Variants in HS6ST3 observed in about 807,000 individuals in gnomAD.
HS6ST3 encodes the protein heparan sulfate 6-O-sulfotransferase 3, also known as heparan-sulfate 6-O-sulfotransferase 3.
Under a neutral mutation model 36.7 loss-of-function variants are expected in HS6ST3, and 12 were observed. The observed-to-expected ratio is 0.33, with a 90% CI of 0.21 to 0.53. The LOEUF is 0.53. Ranked by LOEUF, HS6ST3 falls within the 20% of genes least tolerant of loss-of-function variation. The pLI is 0.95. For missense variants in HS6ST3, 584 were observed against 640.9 expected (o/e 0.91, Z 0.96); for synonymous variants, 240 against 257.5 (o/e 0.93, Z 0.65).
intron 1 of HS6ST3, among the ~76,000 whole-genome samples, chr13:96,460,761 A>G (rs1348557820): frequency 6.6e-6 from 1 of 152,228 alleles, no homozygotes; most frequent in Non-Finnish European, 1.5e-5. Context: ...ATTTGTAAGC[A>G]GTTTCCAGTT....
At chr13:96,498,204 G>C (rs1341066961) in intron 1 of HS6ST3, among the ~76,000 whole-genome samples, 1 of 152,154 alleles carries the variant, frequency 6.6e-6, no homozygotes, top group Non-Finnish European at 1.5e-5. Context: ...TTCATTTAAT[G>C]GTAACCCAGG....
At chr13:96,281,351 A>T (rs1457083800) in intron 1 of HS6ST3, among the ~76,000 whole-genome samples, 1 of 152,184 alleles carries the variant, frequency 6.6e-6, no homozygotes, top group East Asian at 1.9e-4. Context: ...AGCTCTGTAA[A>T]GAAAATCAGC....
At chr13:96,459,427 T>TA (rs144073861) in intron 1 of HS6ST3, among the ~76,000 whole-genome samples, 6,830 of 150,986 alleles carry the variant, frequency 0.045, 369 homozygotes, top group African/African-American at 0.12. Context: ...TTGGAAAAGT[T>TA]AAAAAAAAAC....
intron 1 of HS6ST3, among the ~76,000 whole-genome samples, chr13:96,229,337 G>C (rs993721768): frequency 1.5e-4 from 23 of 152,066 alleles, no homozygotes; most frequent in Non-Finnish European, 1.9e-4. Context: ...CATTAGTCAG[G>C]TCAGGCTGCT....
chr13:96,498,806 G>T (rs1039871114), intron 1 of HS6ST3, among the ~76,000 whole-genome samples: 2 of 152,070 alleles, frequency 1.3e-5, no homozygotes, highest in Non-Finnish European at 2.9e-5. Context: ...GTTCTTATTT[G>T]GTTTGTTTGG....
chr13:96,324,266 G>A (rs1356224190), intron 1 of HS6ST3, among the ~76,000 whole-genome samples: 1 of 152,122 alleles, frequency 6.6e-6, no homozygotes, highest in Non-Finnish European at 1.5e-5. Flanking sequence ...AGGAGTATAA[G>A]GTACTCTTTT....
intron 1 of HS6ST3, among the ~76,000 whole-genome samples, chr13:96,571,837 A>C (rs553380963): frequency 6.6e-6 from 1 of 152,346 alleles, no homozygotes; most frequent in Non-Finnish European, 1.5e-5. Flanking sequence ...AAGGATTCAC[A>C]TGTACTGATC....
At position 96,771,522 on chromosome 13, in the gene HS6ST3, C is replaced by T. The variant is rs947675299; in HGVS notation, c.708-60968C>T. 5.9e-5 allele frequency among the ~76,000 whole-genome samples: 9 copies of T among 152,084 alleles called. No homozygotes were observed. The East Asian group carries it at 1.2e-3, about 20-fold the overall frequency. On this transcript the variant is annotated intron_variant, in intron 1 of 1. Coordinates refer to ENST00000376705, the MANE Select transcript of HS6ST3 (RefSeq NM_153456.4). ...CTGTTCACAGAAGTATAAAATAAGC[C>T]GACCGAAAATGGCTGAGGGGGTACA... is the stretch of plus-strand genomic sequence containing the variant.
chr13:96,368,088 C>T (rs1405092826), intron 1 of HS6ST3, among the ~76,000 whole-genome samples: 1 of 152,144 alleles, frequency 6.6e-6, no homozygotes. Context: ...TGCCTCTACC[C>T]CACAGAGCCC....
intron 1 of HS6ST3, among the ~76,000 whole-genome samples, chr13:96,559,723 CTTT>C (rs368220722): frequency 6.8e-6 from 1 of 146,574 alleles, no homozygotes; most frequent in Non-Finnish European, 1.5e-5. Context: ...GCAGATTATT[CTTT>C]TTTTTTTTTC....
chr13:96,618,520 G>GAC (rs1303266989), intron 1 of HS6ST3, among the ~76,000 whole-genome samples: 1 of 152,090 alleles, frequency 6.6e-6, no homozygotes, highest in African/African-American at 2.4e-5. Flanking sequence ...CTCAGGTATT[G>GAC]GGGCCCTTAT....
At chr13:96,615,937 T>C (rs1304425450) in intron 1 of HS6ST3, among the ~76,000 whole-genome samples, 1 of 152,218 alleles carries the variant, frequency 6.6e-6, no homozygotes, top group Non-Finnish European at 1.5e-5. Flanking sequence ...TTAATTATAG[T>C]AAATGAAACT....
chr13:96,647,698 T>A (rs1041462794), intron 1 of HS6ST3, among the ~76,000 whole-genome samples: 1 of 152,064 alleles, frequency 6.6e-6, no homozygotes, highest in Non-Finnish European at 1.5e-5. Context: ...GAAACTGACA[T>A]CCTTTTATAG....
chr13:96,395,997 A>T (rs78050355), intron 1 of HS6ST3, among the ~76,000 whole-genome samples: 6,840 of 152,206 alleles, frequency 0.045, 170 homozygotes, highest in South Asian at 0.066. Flanking sequence ...AATGGGAAAA[A>T]TGATACCTAC....
chr13:96,091,798 C>G (rs2053766487), intron 1 of HS6ST3, among the ~76,000 whole-genome samples: 1 of 152,130 alleles, frequency 6.6e-6, no homozygotes, highest in Admixed American at 6.5e-5. Context: ...TCTGCCTTCA[C>G]CCTCTAAGAT....
chr13:96,267,029 G>A (rs1438179215), intron 1 of HS6ST3, among the ~76,000 whole-genome samples: 3 of 152,196 alleles, frequency 2.0e-5, no homozygotes, highest in Non-Finnish European at 4.4e-5. Flanking sequence ...GGACCCAGTG[G>A]AAGGCAATTG....
chr13:96,753,272 AC>A (rs1876742625), intron 1 of HS6ST3, among the ~76,000 whole-genome samples: 1 of 152,174 alleles, frequency 6.6e-6, no homozygotes, highest in South Asian at 2.1e-4. Context: ...AAACAAAACA[AC>A]CCTCATGAAA....
chr13:96,407,625 A>G (rs1164108587), intron 1 of HS6ST3, among the ~76,000 whole-genome samples: 1 of 152,190 alleles, frequency 6.6e-6, no homozygotes, highest in Non-Finnish European at 1.5e-5. Context: ...GATTTTGATA[A>G]CCTAGCAAGA....
intron 1 of HS6ST3, among the ~76,000 whole-genome samples, chr13:96,135,018 C>T (rs1051447766): frequency 3.9e-5 from 6 of 152,204 alleles, no homozygotes; most frequent in Admixed American, 2.0e-4. Flanking sequence ...CACTGCGCCA[C>T]ATTACTGAAA....
Sources: allele counts gnomAD v4.1 joint callset (sites outside exome capture counted in the v4.1 genomes callset), GRCh38; gene constraint gnomAD v4.1.1; transcripts MANE v1.5; gene names NCBI Gene and HGNC (gene_info 2026-07-23, HGNC 2026-07-21).